The following MAST4 variants were observed in gnomAD, a reference collection of about 807,000 sequenced individuals.
MAST4 encodes microtubule-associated serine/threonine-protein kinase 4.
MAST4 carries 89 observed loss-of-function variants against 162.7 expected under a neutral mutation model. That is an observed-to-expected ratio of 0.55 (90% CI 0.46 to 0.65). The LOEUF (loss-of-function observed/expected upper bound fraction) is 0.65. MAST4 is among the 30% of genes least tolerant of loss of function. MAST4 has a pLI of 0.00. For synonymous variants in MAST4, 1,479 were observed against 1,361.1 expected, an observed-to-expected ratio of 1.09 and a Z score of -1.91; for missense variants, 3,153 against 3,374.0, an observed-to-expected ratio of 0.93 and a Z score of 1.62.
At chr5:66,954,459 T>C (rs1745061506) in intron 4 of MAST4, among the ~76,000 whole-genome samples, 1 of 152,226 alleles carries the variant, frequency 6.6e-6, no homozygotes. Context: ...TTTCAGCACA[T>C]ATTTATTGAA....
chr5:66,835,748 G>A (rs1757921205), intron 3 of MAST4, among the ~76,000 whole-genome samples: 1 of 152,156 alleles, frequency 6.6e-6, no homozygotes, highest in Non-Finnish European at 1.5e-5. Flanking sequence ...TAACCATAGA[G>A]CTTTTTAAAG....
rs146979913 is a variant in MAST4, at chr5:66,894,283, C to G, written c.643-5668C>G. On this transcript the variant is annotated intron_variant, in intron 3 of 28. Transcript: ENST00000403625. ...TAGATCTCTAGGGGTGGGGCTCAGG[C>G]GTTAGTATTTTTAAAAACTCCCTGG... 3.3e-5 allele frequency among the ~76,000 whole-genome samples: 5 copies of G among 152,230 alleles called. 1 individual carries two copies. Among genetic ancestry groups the G allele is most frequent in the African/African-American group, 1.2e-4 (5 of 41,528 alleles).
chr5:67,024,202 A>G (rs1433883329), intron 4 of MAST4, among the ~76,000 whole-genome samples: 2 of 151,138 alleles, frequency 1.3e-5, no homozygotes, highest in Non-Finnish European at 3.0e-5. Context: ...CAATGTCCTC[A>G]AGGTTCATCC....
chr5:66,610,889 C>G (rs1241774736), intron 1 of MAST4, among the ~76,000 whole-genome samples: 1 of 152,248 alleles, frequency 6.6e-6, no homozygotes, highest in Non-Finnish European at 1.5e-5. Context: ...ATGCCCAAGA[C>G]TCCTTCACAA....
intron 1 of MAST4, among the ~76,000 whole-genome samples, chr5:66,627,665 A>G (rs1744525329): frequency 6.6e-6 from 1 of 152,142 alleles, no homozygotes; most frequent in Non-Finnish European, 1.5e-5. Flanking sequence ...TATCATGGTC[A>G]TTATCATTTT....
intron 1 of MAST4, among the ~76,000 whole-genome samples, chr5:66,661,417 A>T (rs542937824): frequency 3.9e-5 from 6 of 152,350 alleles, no homozygotes; most frequent in African/African-American, 1.2e-4. Context: ...GCCACTGTTT[A>T]AATTCCTGTC....
intron 1 of MAST4, among the ~76,000 whole-genome samples, chr5:66,701,360 G>T (rs1355397227): frequency 6.6e-6 from 1 of 152,172 alleles, no homozygotes; most frequent in East Asian, 1.9e-4. Flanking sequence ...TTTCTCTGTT[G>T]TTCTGCCTGG....
Position 67,130,289 on chromosome 5 carries a change from C to A in MAST4, c.1825C>A (p.Arg609=). 2 of 1,613,788 alleles carry A rather than the reference C, an allele frequency of 1.2e-6. No homozygotes were observed. The highest frequency in any genetic ancestry group is 1.7e-6 in the Non-Finnish European group (2 of 1,179,792). The change falls in exon 15 of 29, where the codon CGA becomes AGA. Residue 609 remains arginine, a synonymous_variant. Coordinates refer to ENST00000403625, the MANE Select transcript of MAST4 (RefSeq NM_001164664.2). The part of the protein sequence containing the change: ...KKINKQNLIL[R]NQIQQAFVER... Reference sequence around the variant, plus strand: ...GATTAATAAACAGAACCTCATCCTTCGAAACCAGATCCAGCAGGCCTTTGT... The same window carrying A: ...GATTAATAAACAGAACCTCATCCTTAGAAACCAGATCCAGCAGGCCTTTGT...
At chr5:66,618,254 G>A (rs1472439919) in intron 1 of MAST4, among the ~76,000 whole-genome samples, 1 of 152,186 alleles carries the variant, frequency 6.6e-6, no homozygotes, top group Non-Finnish European at 1.5e-5. Flanking sequence ...CAAGTCTGAG[G>A]GTGCAGGGTA....
intron 1 of MAST4, among the ~76,000 whole-genome samples, chr5:66,629,452 T>C (rs1744657483): frequency 6.6e-6 from 1 of 152,346 alleles, no homozygotes; most frequent in African/African-American, 2.4e-5. Flanking sequence ...TGTCCTGCTC[T>C]GCTCAAGTTT....
At chr5:67,021,488 A>G (rs1753978853) in intron 4 of MAST4, among the ~76,000 whole-genome samples, 1 of 152,230 alleles carries the variant, frequency 6.6e-6, no homozygotes, top group African/African-American at 2.4e-5. Context: ...TGCAAATACC[A>G]TATTTAGCAA....
At chr5:66,676,282 A>C (rs1200734199) in intron 1 of MAST4, among the ~76,000 whole-genome samples, 1 of 152,142 alleles carries the variant, frequency 6.6e-6, no homozygotes, top group Non-Finnish European at 1.5e-5. Flanking sequence ...GCAAAGAGGG[A>C]GGTTTACAAT....
chr5:67,004,439 G>A (rs910141676), intron 4 of MAST4, among the ~76,000 whole-genome samples: 1 of 152,212 alleles, frequency 6.6e-6, no homozygotes, highest in Non-Finnish European at 1.5e-5. Context: ...TTCAGGAGGG[G>A]AGGGCAAGAG....
chr5:66,951,177 C>T (rs1274548838), intron 4 of MAST4, among the ~76,000 whole-genome samples: 4 of 152,246 alleles, frequency 2.6e-5, no homozygotes, highest in Middle Eastern at 3.4e-3. Flanking sequence ...AGCATTAAAT[C>T]GAAGACATTA....
intron 5 of MAST4, among the ~76,000 whole-genome samples, chr5:67,058,883 C>T (rs1759197793): frequency 6.6e-6 from 1 of 152,204 alleles, no homozygotes; most frequent in Non-Finnish European, 1.5e-5. Context: ...ATAATATCTG[C>T]AGTAGTTTTC....
At chr5:66,920,470 A>C (rs1764458384) in intron 4 of MAST4, among the ~76,000 whole-genome samples, 1 of 152,208 alleles carries the variant, frequency 6.6e-6, no homozygotes, top group Non-Finnish European at 1.5e-5. Context: ...CATAAGATTA[A>C]CACTTGTTTC....
intron 2 of MAST4, among the ~76,000 whole-genome samples, chr5:66,768,225 G>A (rs933037137): frequency 2.6e-5 from 4 of 152,202 alleles, no homozygotes; most frequent in Non-Finnish European, 5.9e-5. Context: ...ATCTTAATGC[G>A]GGAGTCAGGA....
chr5:66,924,628 C>T (rs1022846203), intron 4 of MAST4, among the ~76,000 whole-genome samples: 4 of 152,058 alleles, frequency 2.6e-5, no homozygotes, highest in Non-Finnish European at 5.9e-5. Context: ...CTCCTGACCT[C>T]GTGATCCGCC....
intron 1 of MAST4, among the ~76,000 whole-genome samples, chr5:66,718,811 G>T (rs2149534995): frequency 6.6e-6 from 1 of 152,202 alleles, no homozygotes. Context: ...TCCCTCTCGA[G>T]CTATTCCATT....
Sources: gnomAD v4.1 joint callset for allele counts (sites outside exome capture counted in the v4.1 genomes callset) on GRCh38, gnomAD v4.1.1 for gene constraint, MANE v1.5 for transcripts, NCBI Gene and HGNC (gene_info 2026-07-23, HGNC 2026-07-21) for gene names.